MIPEP: variants seen among roughly 807,000 people sequenced by gnomAD.
MIPEP encodes the protein mitochondrial intermediate peptidase.
A neutral mutation model predicts 90.3 loss-of-function variants in MIPEP; 79 were observed. The ratio of observed to expected loss-of-function variants is 0.87; its 90% CI spans 0.73 to 1.05. MIPEP has a LOEUF of 1.05. Ranked by LOEUF, MIPEP falls within the 50% of genes least tolerant of loss-of-function variation. MIPEP has a pLI of 0.00. For synonymous variants in MIPEP, 334 were observed against 315.8 expected (o/e 1.06, Z -0.61); for missense variants, 940 against 905.6 (o/e 1.04, Z -0.49).
At chr13:23,799,615 T>G (rs576310343) in intron 16 of MIPEP, among the ~76,000 whole-genome samples, 2 of 152,338 alleles carry the variant, frequency 1.3e-5, no homozygotes, top group Admixed American at 6.5e-5. Context: ...CATGAGCCAC[T>G]GCGCCCGGCC....
intron 1 of MIPEP, among the ~76,000 whole-genome samples, chr13:23,888,347 C>T (rs1871607368): frequency 6.6e-6 from 1 of 152,122 alleles, no homozygotes; most frequent in East Asian, 1.9e-4. Flanking sequence ...TGCAACAATA[C>T]CCTAGACTTG....
chr13:23,843,097 CAAAA>C (rs397977292), intron 10 of MIPEP, among the ~76,000 whole-genome samples: 1 of 53,568 alleles, frequency 1.9e-5, no homozygotes. Flanking sequence ...CTCTCCATCT[CAAAA>C]AAAAAAAAAA....
At chr13:23,819,686 G>A (rs569838363) in intron 14 of MIPEP, among the ~76,000 whole-genome samples, 10 of 151,914 alleles carry the variant, frequency 6.6e-5, no homozygotes, top group African/African-American at 1.9e-4. Flanking sequence ...GAAATACAGC[G>A]TAAATTCTCC....
intron 10 of MIPEP, among the ~76,000 whole-genome samples, chr13:23,844,757 T>G (rs1445617974): frequency 6.6e-6 from 1 of 152,180 alleles, no homozygotes; most frequent in Non-Finnish European, 1.5e-5. Flanking sequence ...CTAAAAATAT[T>G]TACTGTCTTA....
chr13:23,846,375 A>ACATGTAG (rs1323993112), intron 10 of MIPEP, among the ~76,000 whole-genome samples: 1 of 152,222 alleles, frequency 6.6e-6, no homozygotes, highest in Non-Finnish European at 1.5e-5. Flanking sequence ...TCTGGCAGTG[A>ACATGTAG]CATGTAGGTC....
At chr13:23,742,187 T>C (rs1405050438) in intron 18 of MIPEP, among the ~76,000 whole-genome samples, 1 of 152,240 alleles carries the variant, frequency 6.6e-6, no homozygotes, top group Admixed American at 6.5e-5. Context: ...GCTATTTCTC[T>C]TCTGACTATA....
intron 16 of MIPEP, among the ~76,000 whole-genome samples, chr13:23,783,681 T>G (rs1225299804): frequency 6.6e-6 from 1 of 152,226 alleles, no homozygotes; most frequent in Non-Finnish European, 1.5e-5. Context: ...GCAGATGACA[T>G]GATTGTATAT....
intron 2 of MIPEP, among the ~76,000 whole-genome samples, chr13:23,884,510 T>C (rs1388830312): frequency 6.6e-6 from 1 of 152,188 alleles, no homozygotes; most frequent in Non-Finnish European, 1.5e-5. Flanking sequence ...GCTCGACAGA[T>C]ACCCTGCCTG....
chr13:23,756,834 G>A (rs796496239), intron 17 of MIPEP: 18 of 554,480 alleles, frequency 3.2e-5, no homozygotes, highest in African/African-American at 3.2e-4. Flanking sequence ...CCTGTAAGAG[G>A]ATAACTATAC....
At chr13:23,875,139 T>C (rs367965747) in intron 4 of MIPEP, among the ~76,000 whole-genome samples, 14 of 151,842 alleles carry the variant, frequency 9.2e-5, no homozygotes, top group African/African-American at 3.1e-4. Flanking sequence ...TGACTGACAA[T>C]TATGATTGGC....
chr13:23,823,800 C>T (rs1418030447), intron 14 of MIPEP, among the ~76,000 whole-genome samples: 1 of 152,184 alleles, frequency 6.6e-6, no homozygotes, highest in African/African-American at 2.4e-5. Flanking sequence ...TGCACTCTAG[C>T]CTGGGTGACA....
intron 16 of MIPEP, among the ~76,000 whole-genome samples, chr13:23,768,647 G>T (rs1249836235): frequency 6.6e-6 from 1 of 152,118 alleles, no homozygotes; most frequent in Non-Finnish European, 1.5e-5. Context: ...AGGTAAGAAG[G>T]ATCACCTGAG....
intron 18 of MIPEP, among the ~76,000 whole-genome samples, chr13:23,746,680 A>G (rs1217468619): frequency 1.3e-5 from 2 of 151,944 alleles, no homozygotes; most frequent in Non-Finnish European, 2.9e-5. Context: ...ATCTATAACA[A>G]ATGACCATCT....
intron 16 of MIPEP, among the ~76,000 whole-genome samples, chr13:23,769,528 G>A (rs2138529592): frequency 6.6e-6 from 1 of 152,206 alleles, no homozygotes; most frequent in East Asian, 1.9e-4. Context: ...AAGGGCAGGT[G>A]TATCACCAAC....
chr13:23,811,507 G>C (rs567784553), intron 14 of MIPEP, among the ~76,000 whole-genome samples: 3 of 152,212 alleles, frequency 2.0e-5, no homozygotes, highest in African/African-American at 7.2e-5. Flanking sequence ...GGCTGGATTT[G>C]AATTATGGTA....
chr13:23,848,976 A>G (rs1339078380), intron 10 of MIPEP, among the ~76,000 whole-genome samples: 1 of 152,208 alleles, frequency 6.6e-6, no homozygotes, highest in Admixed American at 6.5e-5. Context: ...GCAGTCCCAC[A>G]TGACCAGCCA....
At position 23,867,062 on chromosome 13, in the gene MIPEP, G is replaced by C. The variant is rs560168751; in HGVS notation, c.943+2230C>G. On this transcript the variant is annotated intron_variant, in intron 7 of 18. Coordinates refer to ENST00000382172, the MANE Select transcript of MIPEP (RefSeq NM_005932.4). ...TTACTGCAAAACAGCATCTAAACAG[G>C]CCCTCTTCTACCCTGGCCCTGCTGC... Among the ~76,000 whole-genome samples the C allele has an allele frequency of 3.8e-3, 578 of 152,000 alleles. 5 individuals carry two copies. Among genetic ancestry groups the C allele is most frequent in the African/African-American group, 0.013 (525 of 41,442 alleles).
chr13:23,783,842 C>A (rs1952808361), intron 16 of MIPEP, among the ~76,000 whole-genome samples: 1 of 152,090 alleles, frequency 6.6e-6, no homozygotes, highest in African/African-American at 2.4e-5. Flanking sequence ...GAGTGAACTC[C>A]CATTCACAAT....
intron 16 of MIPEP, 35 bp downstream of exon 16, chr13:23,805,915 C>A (rs201846310): frequency 1.2e-6 from 2 of 1,608,820 alleles, no homozygotes; most frequent in Non-Finnish European, 1.7e-6. Flanking sequence ...CAGAACCACT[C>A]AATACACAAA....
Sources: allele counts gnomAD v4.1 joint callset (sites outside exome capture counted in the v4.1 genomes callset), GRCh38; gene constraint gnomAD v4.1.1; transcripts MANE v1.5; gene names NCBI Gene and HGNC (gene_info 2026-07-23, HGNC 2026-07-21).